The following LPGAT1 variants were observed in gnomAD, a reference collection of about 807,000 sequenced individuals.
LPGAT1 encodes the protein acyl-CoA:lysophosphatidylglycerol acyltransferase 1.
LPGAT1 carries 11 observed loss-of-function variants against 47.5 expected under a neutral mutation model. The ratio of observed to expected loss-of-function variants is 0.23; its 90% confidence interval spans 0.15 to 0.38. The LOEUF is 0.38. Ranked by LOEUF, LPGAT1 falls within the 10% of genes least tolerant of loss-of-function variation. LPGAT1 has a pLI of 1.00. For missense variants in LPGAT1, 293 were observed against 439.0 expected, an observed-to-expected ratio of 0.67 and a Z score of 2.97; for synonymous variants, 138 against 144.2, an observed-to-expected ratio of 0.96 and a Z score of 0.31.
chr1:211,783,626 C>T (rs1211982019), intron 4 of LPGAT1, 124 bp from the exon 5 acceptor site: 3 of 809,664 alleles, frequency 3.7e-6, no homozygotes, highest in African/African-American at 3.5e-5. Context: ...GATTCCCCCA[C>T]CCCACCCCAA....
rs925119529 is a variant in LPGAT1 at position 211,748,993 on chromosome 1, G to A, written c.*906C>T. 4.6e-5 allele frequency: 7 copies of A among 152,474 alleles called. No individual in the cohort carries two copies. The highest frequency in any genetic ancestry group is 1.3e-4 in the Admixed American group (2 of 15,276). The allele number at this position is 152,474 out of a possible 1,614,324, so 9.4% of individuals were successfully genotyped here. On this transcript the variant is annotated 3_prime_UTR_variant, in exon 8 of 8. Transcript: ENST00000366997. ...TCAAAATGGAAAAAATAAAGCCTCTGAGCTGCAATAGAGGCATCACGTCAG... is the reference window on the plus strand; with the variant it reads ...TCAAAATGGAAAAAATAAAGCCTCTAAGCTGCAATAGAGGCATCACGTCAG...
chr1:211,745,359 T>G lies in LPGAT1; in HGVS notation c.*4540A>C, dbSNP rs1558247519. ...AGCACTTAATAAAAATAATGGCAGT[T>G]GAAAGTATAACTGTCTCATCACCCG... On this transcript the variant is annotated 3_prime_UTR_variant, in exon 8 of 8. Coordinates refer to ENST00000366997, the MANE Select transcript of LPGAT1 (RefSeq NM_014873.3). 1 of 152,204 alleles carries G rather than the reference T, an allele frequency of 6.6e-6. No homozygotes were observed. Among genetic ancestry groups the G allele is most frequent in the Admixed American group, 6.5e-5 (1 of 15,276 alleles). 9.4% of individuals were successfully genotyped at this position (152,204 alleles called of 1,614,324 possible). A position where few individuals can be genotyped will look rare whatever the true frequency, so the allele number is the denominator to read the frequency against.
At chr1:211,800,035 T>TTTATTATTATTATTATTATTA (rs58672865) in intron 2 of LPGAT1, among the ~76,000 whole-genome samples, 3,285 of 150,930 alleles carry the variant, frequency 0.022, 107 homozygotes, top group East Asian at 0.12. Flanking sequence ...ACTACCATTC[T>TTTATTATTATTATTATTATTA]TTATTATTAT....
At chr1:211,785,024 C>G (rs556518325) in intron 4 of LPGAT1, among the ~76,000 whole-genome samples, 7 of 151,994 alleles carry the variant, frequency 4.6e-5, no homozygotes, top group East Asian at 1.9e-4. Context: ...AGGATGGTCT[C>G]GATCTCCTGA....
intron 2 of LPGAT1, among the ~76,000 whole-genome samples, chr1:211,796,394 A>AT (rs566939879): frequency 1.3e-5 from 2 of 152,298 alleles, no homozygotes; most frequent in South Asian, 4.1e-4. Context: ...GGAGACCACC[A>AT]CGTGATGACA....
chr1:211,828,700 T>C (rs866478412), intron 2 of LPGAT1, among the ~76,000 whole-genome samples: 4 of 152,222 alleles, frequency 2.6e-5, no homozygotes, highest in Admixed American at 6.5e-5. Flanking sequence ...TTCCAATGTT[T>C]ATGGGCATCT....
At chr1:211,761,185 C>T (rs12024375) in intron 6 of LPGAT1, among the ~76,000 whole-genome samples, 4,657 of 152,250 alleles carry the variant, frequency 0.031, 96 homozygotes, top group South Asian at 0.11. Flanking sequence ...AATCCTCTCA[C>T]CAAGGGAAAG....
rs905137871 is a variant in LPGAT1, at chr1:211,748,474, C to T, written c.*1425G>A. 6.6e-6 allele frequency: 1 copy of T among 152,278 alleles called. No individual in the cohort carries two copies. Among genetic ancestry groups the T allele is most frequent in the African/African-American group, 2.4e-5 (1 of 41,456 alleles). 9.4% of individuals were successfully genotyped at this position (152,278 alleles called of 1,614,324 possible). A position where few individuals can be genotyped will look rare whatever the true frequency, so the allele number is the denominator to read the frequency against. On this transcript the variant is annotated 3_prime_UTR_variant, in exon 8 of 8. Coordinates refer to ENST00000366997, the MANE Select transcript of LPGAT1 (RefSeq NM_014873.3). ...CCGAGGTGGGCAGATCACCTGAGGTCAGGAGTTCGAGGCCAGCCTGGCCAA... is the reference window on the plus strand; with the variant it reads ...CCGAGGTGGGCAGATCACCTGAGGTTAGGAGTTCGAGGCCAGCCTGGCCAA...
chr1:211,802,345 T>C (rs1271509574), intron 2 of LPGAT1, among the ~76,000 whole-genome samples: 1 of 151,908 alleles, frequency 6.6e-6, no homozygotes, highest in Non-Finnish European at 1.5e-5. Context: ...TAGTCATGTA[T>C]TGCCGGAGAC....
intron 2 of LPGAT1, among the ~76,000 whole-genome samples, chr1:211,822,363 A>G (rs1186397524): frequency 6.6e-6 from 1 of 152,228 alleles, no homozygotes; most frequent in Non-Finnish European, 1.5e-5. Context: ...GCATTTAGTA[A>G]TATTTACCTT....
chr1:211,768,267 T>C (rs1185472450), intron 6 of LPGAT1, among the ~76,000 whole-genome samples: 1 of 152,250 alleles, frequency 6.6e-6, no homozygotes, highest in African/African-American at 2.4e-5. Flanking sequence ...GAAAATGCTT[T>C]TGTTGCAATT....
At chr1:211,811,445 T>C (rs1265529797) in intron 2 of LPGAT1, among the ~76,000 whole-genome samples, 1 of 152,156 alleles carries the variant, frequency 6.6e-6, no homozygotes, top group Non-Finnish European at 1.5e-5. Flanking sequence ...GTTTGCTAAA[T>C]GGGGATTTTT....
intron 5 of LPGAT1, among the ~76,000 whole-genome samples, chr1:211,782,391 C>T (rs1037842381): frequency 6.6e-6 from 1 of 152,194 alleles, no homozygotes; most frequent in South Asian, 2.1e-4. Flanking sequence ...TTTATTAACA[C>T]TTAATGCTCT....
chr1:211,825,104 ACT>A (rs1274067030), intron 2 of LPGAT1, among the ~76,000 whole-genome samples: 1 of 149,322 alleles, frequency 6.7e-6, no homozygotes, highest in East Asian at 2.0e-4. Context: ...TTGGCCCATG[ACT>A]CTCTCTCACC....
At chr1:211,793,338 C>A in intron 2 of LPGAT1, 148 bp from the exon 3 acceptor site, 1 of 417,992 alleles carries the variant, frequency 2.4e-6, no homozygotes, top group Non-Finnish European at 4.3e-6. Flanking sequence ...ATTTCCTGTG[C>A]AAATCAGAAT....
chr1:211,784,492 A>G (rs1272381952), intron 4 of LPGAT1, among the ~76,000 whole-genome samples: 1 of 27,990 alleles, frequency 3.6e-5, no homozygotes, highest in Non-Finnish European at 1.4e-4. Flanking sequence ...CCCTGTCTCA[A>G]AAAAAAAAAA....
chr1:211,797,222 C>G (rs1182883914), intron 2 of LPGAT1, among the ~76,000 whole-genome samples: 3 of 151,938 alleles, frequency 2.0e-5, no homozygotes, highest in African/African-American at 7.3e-5. Flanking sequence ...AGCCACTGCA[C>G]TCCAGCCTAG....
chr1:211,766,778 T>G (rs149843422), intron 6 of LPGAT1, among the ~76,000 whole-genome samples: 18 of 152,272 alleles, frequency 1.2e-4, no homozygotes, highest in Middle Eastern at 3.4e-3. Flanking sequence ...AATTCAAGAT[T>G]CAAATTGTGG....
intron 6 of LPGAT1, among the ~76,000 whole-genome samples, chr1:211,771,925 T>C (rs1658190143): frequency 6.6e-6 from 1 of 152,190 alleles, no homozygotes. Flanking sequence ...TCCTATATTT[T>C]CTTCAAATAC....
Sources: gnomAD v4.1 joint callset for allele counts (sites outside exome capture counted in the v4.1 genomes callset) on GRCh38, gnomAD v4.1.1 for gene constraint, MANE v1.5 for transcripts, NCBI Gene and HGNC (gene_info 2026-07-23, HGNC 2026-07-21) for gene names.